The following UGT1A6 variants were observed in gnomAD, a reference collection of about 807,000 sequenced individuals.
UGT1A6 encodes the protein UDP glucuronosyltransferase family 1 member A6, also known as UDP-glucuronosyltransferase 1A6.
UGT1A6 carries 32 observed loss-of-function variants against 44.4 expected under a neutral mutation model. That is an observed-to-expected ratio of 0.72 (90% CI 0.54 to 0.97). UGT1A6 has a LOEUF of 0.97. UGT1A6 is among the 50% of genes least tolerant of loss of function. The probability of loss-of-function intolerance (pLI) is 0.00; values close to 1 mark genes in which losing one functional copy is unlikely to be tolerated. For missense variants in UGT1A6, 685 were observed against 661.9 expected, an observed-to-expected ratio of 1.03 and a Z score of -0.38; for synonymous variants, 238 against 248.5, an observed-to-expected ratio of 0.96 and a Z score of 0.40.
chr2:233,722,900 A>G (rs976029568), intron 1 of UGT1A6, among the ~76,000 whole-genome samples: 17 of 145,938 alleles, frequency 1.2e-4, no homozygotes, highest in Middle Eastern at 3.6e-3. Context: ...GTGGAAGTGG[A>G]TCATCATAAA....
chr2:233,693,594 CA>C lies in UGT1A6; in HGVS notation c.593del (p.Lys198SerfsTer6). 1 of 1,614,202 alleles carries C rather than the reference CA, an allele frequency of 6.2e-7. No homozygotes were observed. Among genetic ancestry groups the C allele is most frequent in the Middle Eastern group, 1.6e-4 (1 of 6,062 alleles). ...GTGTCCTACATTCCCAGGTGCTACA[CA>C]AAGTTTTCAGACCACATGACTTTTT... ...DPVSYIPRCY[T>X]KFSDHMTFSQ... On this transcript the variant is annotated frameshift_variant, in exon 1 of 5. Coordinates refer to ENST00000305139, the MANE Select transcript of UGT1A6 (RefSeq NM_001072.4). LOFTEE classifies it high-confidence loss of function.
intron 1 of UGT1A6, among the ~76,000 whole-genome samples, chr2:233,699,874 G>A (rs1440765053): frequency 6.6e-6 from 1 of 152,096 alleles, no homozygotes; most frequent in African/African-American, 2.4e-5. Context: ...GACATTTTTG[G>A]TGTTGCAATT....
At chr2:233,760,872 G>A in intron 1 of UGT1A6, 1 of 1,614,112 alleles carries the variant, frequency 6.2e-7, no homozygotes, top group Non-Finnish European at 8.5e-7. Flanking sequence ...ACGTGCCCAG[G>A]CCTCTCTCCT....
intron 1 of UGT1A6, among the ~76,000 whole-genome samples, chr2:233,706,345 A>G (rs2075904063): frequency 6.6e-6 from 1 of 152,210 alleles, no homozygotes. Flanking sequence ...TGACCCTGAA[A>G]AAACATTCTT....
rs1575628986 is a variant in UGT1A6 at position 233,739,340 on chromosome 2, A to AT, written c.862-27694_862-27693insT. 3.9e-5 allele frequency among the ~76,000 whole-genome samples: 6 copies of AT among 152,276 alleles called. No individual in the cohort carries two copies. In the East Asian group the frequency reaches 5.8e-4, roughly 15 times the overall value. On this transcript the variant is annotated intron_variant, in intron 1 of 4. Coordinates refer to ENST00000305139, the MANE Select transcript of UGT1A6 (RefSeq NM_001072.4). Reference sequence around the variant, plus strand: ...GAGAAGAAGGCCACAGTCCTTCAGAACCCAGAAGGGCAGATCCAATAGCTT... The same window carrying AT: ...GAGAAGAAGGCCACAGTCCTTCAGAATCCCAGAAGGGCAGATCCAATAGCTT...
chr2:233,717,775 C>T, intron 1 of UGT1A6: 1 of 456,474 alleles, frequency 2.2e-6, no homozygotes, highest in Non-Finnish European at 4.4e-6. Context: ...ATTTAATTCT[C>T]CATTTTGAAA....
intron 1 of UGT1A6, chr2:233,719,360 A>T: frequency 6.2e-7 from 1 of 1,613,910 alleles, no homozygotes; most frequent in Non-Finnish European, 8.5e-7. Context: ...CATGTGACTT[A>T]GACTTTAAGG....
intron 1 of UGT1A6, among the ~76,000 whole-genome samples, chr2:233,727,658 C>T (rs1228112753): frequency 6.6e-6 from 1 of 152,168 alleles, no homozygotes; most frequent in Non-Finnish European, 1.5e-5. Flanking sequence ...TTCTAGTGCT[C>T]TATGTCCTTA....
chr2:233,727,191 G>T (rs764445830), intron 1 of UGT1A6, among the ~76,000 whole-genome samples: 1 of 152,118 alleles, frequency 6.6e-6, no homozygotes, highest in African/African-American at 2.4e-5. Flanking sequence ...CTTTGCTGGG[G>T]TGACCTCACT....
chr2:233,771,969 G>T (rs1040138861), intron 4 of UGT1A6, among the ~76,000 whole-genome samples: 1 of 152,096 alleles, frequency 6.6e-6, no homozygotes, highest in Non-Finnish European at 1.5e-5. Context: ...TTAAAAATTG[G>T]CCAGACATAG....
chr2:233,719,768 T>C, intron 1 of UGT1A6: 1 of 1,611,854 alleles, frequency 6.2e-7, no homozygotes. Flanking sequence ...AGTGCTTCCA[T>C]ATCTACTTAT....
At chr2:233,771,972 A>G (rs1700426237) in intron 4 of UGT1A6, among the ~76,000 whole-genome samples, 1 of 152,212 alleles carries the variant, frequency 6.6e-6, no homozygotes, top group African/African-American at 2.4e-5. Flanking sequence ...AAAATTGGCC[A>G]GACATAGTGG....
At chr2:233,713,461 G>A in intron 1 of UGT1A6, 7 of 1,614,080 alleles carry the variant, frequency 4.3e-6, no homozygotes, top group Non-Finnish European at 5.9e-6. Flanking sequence ...TTTCACCTCT[G>A]CGCGGCGGTG....
At chr2:233,767,255 G>C in intron 2 of UGT1A6, 90 bp downstream of exon 2, 1 of 1,596,760 alleles carries the variant, frequency 6.3e-7, no homozygotes, top group Non-Finnish European at 8.5e-7. Flanking sequence ...CTCTTAATTG[G>C]AACCTTAGAT....
intron 1 of UGT1A6, among the ~76,000 whole-genome samples, chr2:233,760,062 T>A (rs957059658): frequency 6.6e-5 from 10 of 152,144 alleles, no homozygotes; most frequent in African/African-American, 2.4e-4. Context: ...AGAATGTGAT[T>A]TGAGTATGAA....
chr2:233,747,536 G>T (rs1693706230), intron 1 of UGT1A6: 1 of 1,605,072 alleles, frequency 6.2e-7, no homozygotes, highest in Non-Finnish European at 8.5e-7. Flanking sequence ...ATTTTCTGAA[G>T]ACATTTTCTA....
intron 1 of UGT1A6, among the ~76,000 whole-genome samples, chr2:233,745,770 A>C (rs1250440901): frequency 1.3e-5 from 2 of 148,808 alleles, no homozygotes. Flanking sequence ...GAGAGGAGGA[A>C]TGAGCTTAGA....
At chr2:233,732,349 T>A (rs1331822531) in intron 1 of UGT1A6, among the ~76,000 whole-genome samples, 1 of 152,014 alleles carries the variant, frequency 6.6e-6, no homozygotes, top group Non-Finnish European at 1.5e-5. Flanking sequence ...GGTGTTTTAG[T>A]CATGAAGTCC....
chr2:233,719,618 C>A (rs779960656), intron 1 of UGT1A6: 2 of 1,614,058 alleles, frequency 1.2e-6, no homozygotes. Flanking sequence ...TGGACTACCC[C>A]AGGCCGATCA....
Sources: allele counts gnomAD v4.1 joint callset (sites outside exome capture counted in the v4.1 genomes callset), GRCh38; gene constraint gnomAD v4.1.1; transcripts MANE v1.5; gene names NCBI Gene and HGNC (gene_info 2026-07-23, HGNC 2026-07-21).